Variants in RGS7 observed in about 807,000 individuals in gnomAD.
RGS7 encodes the protein regulator of G-protein signaling 7.
A neutral mutation model predicts 81.1 loss-of-function variants in RGS7; 27 were observed. The ratio of observed to expected loss-of-function variants is 0.33; its 90% CI spans 0.25 to 0.46. The LOEUF (loss-of-function observed/expected upper bound fraction) is 0.46. Ranked by LOEUF, RGS7 falls within the 20% of genes least tolerant of loss-of-function variation. RGS7 has a pLI of 1.00. For synonymous variants in RGS7, 208 were observed against 207.7 expected, an observed-to-expected ratio of 1.00 and a Z score of -0.01; for missense variants, 396 against 607.4, an observed-to-expected ratio of 0.65 and a Z score of 3.66.
Position 240,875,880 on chromosome 1 carries a change from C to T in RGS7, c.386-5761G>A, listed in dbSNP as rs533666825. 4.5e-4 allele frequency among the ~76,000 whole-genome samples: 69 copies of T among 152,248 alleles called. 1 individual carries two copies. Among genetic ancestry groups the T allele is most frequent in the African/African-American group, 1.7e-3 (69 of 41,546 alleles). Reference sequence around the variant, plus strand: ...GGTTTCTTGCTCATTATTTAATTGGCTTATTCGTCTTCCTGCTTCATTGAT... The same window carrying T: ...GGTTTCTTGCTCATTATTTAATTGGTTTATTCGTCTTCCTGCTTCATTGAT... On this transcript the variant is annotated intron_variant, in intron 6 of 18. Transcript: ENST00000440928.
intron 2 of RGS7, among the ~76,000 whole-genome samples, chr1:241,168,062 T>C (rs200927103): frequency 1.3e-5 from 2 of 152,218 alleles, no homozygotes; most frequent in East Asian, 3.8e-4. Context: ...CAATATGGAC[T>C]CTTGGCCACT....
intron 18 of RGS7, among the ~76,000 whole-genome samples, chr1:240,790,687 C>G (rs527522794): frequency 1.3e-5 from 2 of 152,304 alleles, no homozygotes; most frequent in East Asian, 3.9e-4. Context: ...TACCACATCT[C>G]AGATACTCAG....
At chr1:240,786,143 A>G (rs1685023618) in intron 18 of RGS7, among the ~76,000 whole-genome samples, 1 of 152,238 alleles carries the variant, frequency 6.6e-6, no homozygotes, top group Non-Finnish European at 1.5e-5. Context: ...ATATTTTTCC[A>G]TAATAAAACC....
intron 2 of RGS7, among the ~76,000 whole-genome samples, chr1:241,169,336 C>CTTTTTTTTTTTTTTTTTTTTTTTTTT (rs57753661): frequency 2.7e-5 from 2 of 74,274 alleles, no homozygotes; most frequent in Non-Finnish European, 4.8e-5. Context: ...ATGTGTGTTT[C>CTTTTTTTTTTTTTTTTTTTTTTTTTT]TTTTTTTTTT....
At chr1:241,258,175 A>G (rs1221405522) in intron 2 of RGS7, among the ~76,000 whole-genome samples, 1 of 152,162 alleles carries the variant, frequency 6.6e-6, no homozygotes, top group Admixed American at 6.5e-5. Flanking sequence ...TGGAAGCTGG[A>G]AAGATTTCCC....
chr1:240,837,571 C>T (rs937222793), intron 9 of RGS7, among the ~76,000 whole-genome samples: 4 of 152,136 alleles, frequency 2.6e-5, no homozygotes, highest in African/African-American at 9.7e-5. Context: ...GGTCTGTGGG[C>T]TTAAATGGGT....
chr1:240,885,677 A>G (rs1335466216), intron 6 of RGS7, among the ~76,000 whole-genome samples: 3 of 152,188 alleles, frequency 2.0e-5, no homozygotes, highest in Non-Finnish European at 4.4e-5. Context: ...GTTCTCACTT[A>G]TAAGTGGGAG....
chr1:240,975,617 C>A (rs953914526), intron 4 of RGS7, among the ~76,000 whole-genome samples: 13 of 152,096 alleles, frequency 8.5e-5, no homozygotes, highest in African/African-American at 3.1e-4. Flanking sequence ...AAGGTCATGT[C>A]AAGGAATTAC....
rs891584533 is a variant in RGS7 at position 240,792,020 on chromosome 1, G to A, written c.*6+8621C>T. 1.5e-4 allele frequency among the ~76,000 whole-genome samples: 23 copies of A among 152,200 alleles called. No homozygotes were observed. In the East Asian group the frequency reaches 4.4e-3, roughly 29 times the overall value. ...AGATTACATTACATAGAAGATATAAGTCCTATATCTCCTTGCTTTACTGAG... is the reference window on the plus strand; with the variant it reads ...AGATTACATTACATAGAAGATATAAATCCTATATCTCCTTGCTTTACTGAG... On this transcript the variant is annotated intron_variant, in intron 18 of 18. Transcript: ENST00000440928.
At chr1:241,262,897 G>A (rs1225770855) in intron 2 of RGS7, among the ~76,000 whole-genome samples, 2 of 152,036 alleles carry the variant, frequency 1.3e-5, no homozygotes, top group African/African-American at 2.4e-5. Context: ...TCAGGAGTTC[G>A]AGAGCAGCCT....
At chr1:240,778,626 G>A (rs1683398443) in intron 18 of RGS7, among the ~76,000 whole-genome samples, 2 of 151,872 alleles carry the variant, frequency 1.3e-5, no homozygotes, top group African/African-American at 2.4e-5. Context: ...TGCACCTCCC[G>A]GATTCAAGCA....
At chr1:241,016,489 A>G (rs1372165059) in intron 3 of RGS7, among the ~76,000 whole-genome samples, 9 of 152,090 alleles carry the variant, frequency 5.9e-5, no homozygotes, top group African/African-American at 1.7e-4. Context: ...CTGCACTCTA[A>G]CCTGGTGAAA....
intron 9 of RGS7, among the ~76,000 whole-genome samples, chr1:240,829,920 G>T (rs1693540269): frequency 6.6e-6 from 1 of 152,200 alleles, no homozygotes; most frequent in African/African-American, 2.4e-5. Flanking sequence ...AGGAAAGCAT[G>T]TTTCTTCATG....
intron 6 of RGS7, among the ~76,000 whole-genome samples, chr1:240,898,290 T>C (rs1416585701): frequency 6.6e-6 from 1 of 152,220 alleles, no homozygotes; most frequent in Non-Finnish European, 1.5e-5. Context: ...CCTTCAGTTC[T>C]GCTCGGATCT....
At chr1:241,031,754 G>C (rs757162709) in intron 3 of RGS7, among the ~76,000 whole-genome samples, 2 of 152,040 alleles carry the variant, frequency 1.3e-5, no homozygotes, top group African/African-American at 2.4e-5. Flanking sequence ...TCACATGCTT[G>C]TTGGCCATTT....
chr1:241,134,310 A>G (rs1443356033), intron 2 of RGS7, among the ~76,000 whole-genome samples: 1 of 152,176 alleles, frequency 6.6e-6, no homozygotes, highest in Non-Finnish European at 1.5e-5. Flanking sequence ...ACCAAGTTAA[A>G]TGACACTACG....
intron 2 of RGS7, among the ~76,000 whole-genome samples, chr1:241,146,043 T>C (rs1310791436): frequency 6.6e-6 from 1 of 151,944 alleles, no homozygotes; most frequent in Non-Finnish European, 1.5e-5. Flanking sequence ...GAAGGCAAAG[T>C]GAAGAAGTAA....
chr1:241,320,388 T>C (rs960336181), intron 2 of RGS7, among the ~76,000 whole-genome samples: 6 of 152,212 alleles, frequency 3.9e-5, no homozygotes, highest in Admixed American at 1.3e-4. Flanking sequence ...TATCACACTA[T>C]AATAACTGTG....
At chr1:241,088,203 G>T (rs1181511556) in intron 3 of RGS7, among the ~76,000 whole-genome samples, 2 of 151,706 alleles carry the variant, frequency 1.3e-5, no homozygotes, top group Non-Finnish European at 2.9e-5. Flanking sequence ...TTCAAGACCA[G>T]AGTGGCCATG....
Sources: allele counts gnomAD v4.1 joint callset (sites outside exome capture counted in the v4.1 genomes callset), GRCh38; gene constraint gnomAD v4.1.1; transcripts MANE v1.5; gene names NCBI Gene and HGNC (gene_info 2026-07-23, HGNC 2026-07-21).